Variants in KAZN observed in about 807,000 individuals in gnomAD.
The protein encoded by KAZN is kazrin, periplakin interacting protein.
Under a neutral mutation model 87.4 loss-of-function variants are expected in KAZN, and 40 were observed. The observed-to-expected ratio is 0.46, with a 90% CI of 0.36 to 0.60. The LOEUF is 0.60. Ranked by LOEUF, KAZN falls within the 20% of genes least tolerant of loss-of-function variation. The pLI, the probability that KAZN is intolerant of heterozygous loss-of-function variation, is 0.00. For missense variants in KAZN, 898 were observed against 1,073.9 expected (o/e 0.84, Z 2.29); for synonymous variants, 466 against 458.3 (o/e 1.02, Z -0.22).
At chr1:14,510,526 T>A (rs1670849406) in intron 2 of KAZN, among the ~76,000 whole-genome samples, 1 of 152,262 alleles carries the variant, frequency 6.6e-6, no homozygotes, top group African/African-American at 2.4e-5. Context: ...AACTTAACTG[T>A]GTATCCTGTA....
chr1:14,383,473 A>G (rs575720887), intron 2 of KAZN, among the ~76,000 whole-genome samples: 69 of 152,006 alleles, frequency 4.5e-4, no homozygotes, highest in Non-Finnish European at 8.1e-4. Flanking sequence ...TCTTTAATCC[A>G]TCTTGAATTG....
At chr1:14,231,880 C>T (rs1647888280) in intron 2 of KAZN, among the ~76,000 whole-genome samples, 1 of 152,208 alleles carries the variant, frequency 6.6e-6, no homozygotes, top group Non-Finnish European at 1.5e-5. Context: ...CATGCAGTGA[C>T]TCAGGGATCC....
At chr1:14,258,343 G>A (rs1650729834) in intron 2 of KAZN, among the ~76,000 whole-genome samples, 1 of 149,876 alleles carries the variant, frequency 6.7e-6, no homozygotes, top group Admixed American at 6.6e-5. Flanking sequence ...AGCCTCCCGA[G>A]TAGCTGGGAC....
At chr1:14,210,151 G>T (rs1646823586) in intron 2 of KAZN, among the ~76,000 whole-genome samples, 1 of 152,140 alleles carries the variant, frequency 6.6e-6, no homozygotes, top group African/African-American at 2.4e-5. Context: ...ATCATGAGAG[G>T]GACACAGTGG....
intron 2 of KAZN, among the ~76,000 whole-genome samples, chr1:14,305,448 G>A (rs1009989464): frequency 6.6e-6 from 1 of 151,976 alleles, no homozygotes; most frequent in African/African-American, 2.4e-5. Context: ...CCCCAGAAAA[G>A]GTTGGAAAAA....
chr1:14,065,531 A>G (rs150161024), intron 1 of KAZN, among the ~76,000 whole-genome samples: 341 of 152,076 alleles, frequency 2.2e-3, no homozygotes, highest in African/African-American at 7.8e-3. Flanking sequence ...CCCACTCTTA[A>G]ACTCGAAAAT....
intron 2 of KAZN, among the ~76,000 whole-genome samples, chr1:14,218,818 A>G: frequency 6.6e-6 from 1 of 152,264 alleles, no homozygotes; most frequent in Middle Eastern, 3.4e-3. Context: ...TTATAGAATT[A>G]TTTCAACTAA....
chr1:14,777,062 G>A (rs959150379), intron 1 of KAZN, among the ~76,000 whole-genome samples: 15 of 152,086 alleles, frequency 9.9e-5, no homozygotes, highest in African/African-American at 2.4e-4. Flanking sequence ...GTGCAGCAGC[G>A]CAATCTCGGC....
intron 2 of KAZN, among the ~76,000 whole-genome samples, chr1:14,328,492 A>G (rs1243079543): frequency 6.6e-6 from 1 of 152,126 alleles, no homozygotes; most frequent in African/African-American, 2.4e-5. Context: ...TCATGAGGGC[A>G]GGAGATTGAG....
chr1:14,584,172 T>C (rs1021299885), intron 2 of KAZN, among the ~76,000 whole-genome samples: 1 of 152,200 alleles, frequency 6.6e-6, no homozygotes, highest in Non-Finnish European at 1.5e-5. Context: ...CCCAGTTCCC[T>C]GGGGTCGTGG....
chr1:14,179,548 C>T (rs1009583399), intron 1 of KAZN, among the ~76,000 whole-genome samples: 1 of 152,166 alleles, frequency 6.6e-6, no homozygotes, highest in East Asian at 1.9e-4. Flanking sequence ...TTGATAATGA[C>T]ATTTTTCTTT....
At chr1:13,959,305 T>G (rs1475559908) in intron 1 of KAZN, among the ~76,000 whole-genome samples, 1 of 152,190 alleles carries the variant, frequency 6.6e-6, no homozygotes, top group Admixed American at 6.5e-5. Context: ...AGCTGTTGTT[T>G]ATAAGCCACC....
At chr1:14,296,674 C>T (rs1654148720) in intron 2 of KAZN, among the ~76,000 whole-genome samples, 1 of 107,790 alleles carries the variant, frequency 9.3e-6, no homozygotes, top group Non-Finnish European at 1.7e-5. Context: ...CTTGCTCTGT[C>T]ACCCAGGCTG....
intron 1 of KAZN, among the ~76,000 whole-genome samples, chr1:13,964,366 G>T (rs1020958950): frequency 6.6e-6 from 1 of 152,230 alleles, no homozygotes; most frequent in African/African-American, 2.4e-5. Flanking sequence ...AGGTAAATCA[G>T]TCAGCTACTG....
intron 2 of KAZN, among the ~76,000 whole-genome samples, chr1:14,225,624 T>C (rs1337143898): frequency 6.6e-6 from 1 of 152,122 alleles, no homozygotes; most frequent in Admixed American, 6.6e-5. Flanking sequence ...CTTCAAACTA[T>C]ATTACAGGGT....
At chr1:14,035,048 A>G (rs183807447) in intron 1 of KAZN, among the ~76,000 whole-genome samples, 7 of 152,284 alleles carry the variant, frequency 4.6e-5, no homozygotes, top group Admixed American at 4.6e-4. Context: ...TCAGTTTGGC[A>G]TTCCCTTTTC....
chr1:15,104,251 G>C, intron 13 of KAZN, 62 bp downstream of exon 13: 1 of 1,453,370 alleles, frequency 6.9e-7, no homozygotes, highest in Non-Finnish European at 9.2e-7. Context: ...CAGGGCTTTG[G>C]AAGCAGATGG....
chr1:15,017,628 A>G (rs1023907693), intron 2 of KAZN, among the ~76,000 whole-genome samples: 1 of 151,940 alleles, frequency 6.6e-6, no homozygotes, highest in Admixed American at 6.6e-5. Context: ...ACAGGGTGAA[A>G]CCCCGTCTCT....
At chr1:14,488,605 C>T (rs1391533472) in intron 2 of KAZN, among the ~76,000 whole-genome samples, 2 of 152,202 alleles carry the variant, frequency 1.3e-5, no homozygotes, top group Non-Finnish European at 2.9e-5. Context: ...TTTAGCAGAG[C>T]GCCTGCCCTC....
Sources: gnomAD v4.1 joint callset for allele counts (sites outside exome capture counted in the v4.1 genomes callset) on GRCh38, gnomAD v4.1.1 for gene constraint, MANE v1.5 for transcripts, NCBI Gene and HGNC (gene_info 2026-07-23, HGNC 2026-07-21) for gene names.